The following ERC2 variants were observed in gnomAD, a reference collection of about 807,000 sequenced individuals.
ERC2 encodes the protein ERC protein 2.
A neutral mutation model predicts 114.8 loss-of-function variants in ERC2; 42 were observed. That is an observed-to-expected ratio of 0.37 (90% CI 0.29 to 0.47). The LOEUF (loss-of-function observed/expected upper bound fraction) is 0.47, where lower values mean the gene tolerates loss of function less well. Ranked by LOEUF, ERC2 falls within the 20% of genes least tolerant of loss-of-function variation. The pLI, the probability that ERC2 is intolerant of heterozygous loss-of-function variation, is 0.99. For missense variants in ERC2, 939 were observed against 1,150.7 expected (o/e 0.82, Z 2.66); for synonymous variants, 454 against 425.5 (o/e 1.07, Z -0.82).
In ERC2 at chr3:56,457,566, G is replaced by A. The variant is rs183403894; in HGVS notation, c.-141+10682C>T. 1.1e-4 allele frequency among the ~76,000 whole-genome samples: 17 copies of A among 152,008 alleles called. No individual in the cohort carries two copies. In the East Asian group the frequency reaches 2.5e-3, roughly 23 times the overall value. On this transcript the variant is annotated intron_variant, in intron 1 of 17. Coordinates refer to ENST00000288221, the MANE Select transcript of ERC2 (RefSeq NM_015576.3). ...GAATTCAGAGTCCTTGATCGTATCCGTCCCCTACTTGAAATCTCTTGAAGT... is the reference window on the plus strand; with the variant it reads ...GAATTCAGAGTCCTTGATCGTATCCATCCCCTACTTGAAATCTCTTGAAGT...
intron 3 of ERC2, among the ~76,000 whole-genome samples, chr3:56,279,730 A>G (rs1053980452): frequency 1.3e-5 from 2 of 152,238 alleles, no homozygotes; most frequent in African/African-American, 4.8e-5. Flanking sequence ...TGAGAGTAGC[A>G]TGAAGAATGA....
intron 17 of ERC2, among the ~76,000 whole-genome samples, chr3:55,645,906 C>A (rs1156634670): frequency 6.6e-6 from 1 of 152,110 alleles, no homozygotes; most frequent in African/African-American, 2.4e-5. Context: ...GAGAAGAGGG[C>A]CCTTTCAGTG....
At chr3:55,952,734 A>G (rs1049007633) in intron 12 of ERC2, among the ~76,000 whole-genome samples, 1 of 152,230 alleles carries the variant, frequency 6.6e-6, no homozygotes, top group Non-Finnish European at 1.5e-5. Context: ...TGACAAATAC[A>G]GATTATTATT....
At chr3:56,374,554 G>GGTTC (rs2059469631) in intron 2 of ERC2, among the ~76,000 whole-genome samples, 1 of 152,072 alleles carries the variant, frequency 6.6e-6, no homozygotes, top group African/African-American at 2.4e-5. Flanking sequence ...CTTAAAGATG[G>GGTTC]GTTCCATCAT....
At chr3:56,173,865 A>G (rs2082822023) in intron 3 of ERC2, 1 of 205,488 alleles carries the variant, frequency 4.9e-6, no homozygotes, top group Admixed American at 6.0e-5. Context: ...TGTGCTCCCA[A>G]TACAAACACA....
At position 56,080,757 on chromosome 3, in the gene ERC2, T is replaced by C. The variant is rs2077191358; in HGVS notation, c.1641+60A>G. Reference sequence around the variant, plus strand: ...ACTTATTTTCCATGTGCTCAAAATTTTTCTAAAATGACAAAACATGGATGA... The same window carrying C: ...ACTTATTTTCCATGTGCTCAAAATTCTTCTAAAATGACAAAACATGGATGA... On this transcript the variant is annotated intron_variant, in intron 7 of 17. Coordinates refer to ENST00000288221, the MANE Select transcript of ERC2 (RefSeq NM_015576.3). 1.9e-6 allele frequency: 3 copies of C among 1,548,400 alleles called. No homozygotes were observed. In the Admixed American group the frequency reaches 5.8e-5, roughly 30 times the overall value.
At chr3:56,195,751 C>T (rs1242384339) in intron 3 of ERC2, among the ~76,000 whole-genome samples, 3 of 151,820 alleles carry the variant, frequency 2.0e-5, no homozygotes, top group South Asian at 2.1e-4. Context: ...CACTTGAGCC[C>T]GAGGGGTCAA....
intron 14 of ERC2, among the ~76,000 whole-genome samples, chr3:55,853,281 C>T (rs1273519782): frequency 3.3e-5 from 5 of 152,300 alleles, no homozygotes; most frequent in East Asian, 1.9e-4. Context: ...AATCCCAACA[C>T]TTTGAGAGGC....
intron 8 of ERC2, among the ~76,000 whole-genome samples, chr3:56,016,726 T>C (rs1421586077): frequency 1.3e-5 from 2 of 152,118 alleles, no homozygotes; most frequent in Non-Finnish European, 1.5e-5. Context: ...TTTAATCTAA[T>C]TCCCCCATTC....
intron 17 of ERC2, among the ~76,000 whole-genome samples, chr3:55,584,413 G>C (rs894187866): frequency 6.6e-6 from 1 of 152,136 alleles, no homozygotes; most frequent in Non-Finnish European, 1.5e-5. Context: ...ATGACTACTA[G>C]TTGTCCATGC....
At chr3:55,900,225 T>A (rs1449685144) in intron 13 of ERC2, among the ~76,000 whole-genome samples, 1 of 152,250 alleles carries the variant, frequency 6.6e-6, no homozygotes, top group South Asian at 2.1e-4. Flanking sequence ...TGTTCTCTAA[T>A]AAAGTTCCTA....
intron 17 of ERC2, among the ~76,000 whole-genome samples, chr3:55,633,455 G>A (rs1232984744): frequency 6.6e-5 from 10 of 152,078 alleles, no homozygotes; most frequent in East Asian, 1.9e-4. Flanking sequence ...CCTTCCCCAC[G>A]AAGGTTCTGA....
chr3:55,520,465 G>A (rs1475376027), intron 17 of ERC2, among the ~76,000 whole-genome samples: 3 of 150,878 alleles, frequency 2.0e-5, no homozygotes, highest in African/African-American at 7.3e-5. Flanking sequence ...TAAGAAGAGA[G>A]AAAATACTTA....
Position 55,553,011 on chromosome 3 carries a change from A to ATTTTTTTTTTTTTTTTTTTTTTTTTTTTT in ERC2, c.*40-41736_*40-41735insAAAAAAAAAAAAAAAAAAAAAAAAAAAAA, listed in dbSNP as rs66602607. Among the ~76,000 whole-genome samples the ATTTTTTTTTTTTTTTTTTTTTTTTTTTTT allele has an allele frequency of 2.7e-4, 15 of 55,222 alleles. 4 individuals are homozygous for ATTTTTTTTTTTTTTTTTTTTTTTTTTTTT. Among genetic ancestry groups the ATTTTTTTTTTTTTTTTTTTTTTTTTTTTT allele is most frequent in the African/African-American group, 3.3e-4 (5 of 14,988 alleles). 36.2% of individuals were successfully genotyped at this position (55,222 alleles called of 152,430 possible). A position where few individuals can be genotyped will look rare whatever the true frequency, so the allele number is the denominator to read the frequency against. On this transcript the variant is annotated intron_variant, in intron 17 of 17. Transcript: ENST00000288221. ...GTCGTTATTATTGTGGGGCTTCCAG[A>ATTTTTTTTTTTTTTTTTTTTTTTTTTTTT]TTTTTTTTTTTTTTTTTTTTTTTTT...
chr3:56,263,051 T>C (rs1368582789), intron 3 of ERC2, among the ~76,000 whole-genome samples: 1 of 152,236 alleles, frequency 6.6e-6, no homozygotes, highest in Non-Finnish European at 1.5e-5. Flanking sequence ...TTTCCATTCA[T>C]CTTACTGCCT....
At chr3:56,388,776 G>T (rs1402529290) in intron 2 of ERC2, among the ~76,000 whole-genome samples, 2 of 151,904 alleles carry the variant, frequency 1.3e-5, no homozygotes, top group African/African-American at 4.8e-5. Flanking sequence ...CTCCTCTGTC[G>T]ATCCACAAAA....
At chr3:55,581,456 G>A (rs922651819) in intron 17 of ERC2, among the ~76,000 whole-genome samples, 2 of 152,160 alleles carry the variant, frequency 1.3e-5, no homozygotes, top group African/African-American at 4.8e-5. Flanking sequence ...TTACCCAGAG[G>A]TGAGGTCTTT....
intron 2 of ERC2, among the ~76,000 whole-genome samples, chr3:56,324,203 A>C (rs2057253955): frequency 6.6e-6 from 1 of 152,196 alleles, no homozygotes; most frequent in Admixed American, 6.5e-5. Flanking sequence ...TTAAAGGATG[A>C]CTAAGGAAGC....
At chr3:55,945,336 G>C (rs1247417275) in intron 13 of ERC2, among the ~76,000 whole-genome samples, 4 of 152,190 alleles carry the variant, frequency 2.6e-5, no homozygotes, top group African/African-American at 9.7e-5. Flanking sequence ...ACTTAGGTAA[G>C]TGTACCATAA....
Sources: allele counts gnomAD v4.1 joint callset (sites outside exome capture counted in the v4.1 genomes callset), GRCh38; gene constraint gnomAD v4.1.1; transcripts MANE v1.5; gene names NCBI Gene and HGNC (gene_info 2026-07-23, HGNC 2026-07-21).